The following NOTCH2 variants were observed in gnomAD, a reference collection of about 807,000 sequenced individuals.
NOTCH2 encodes the protein notch receptor 2.
In NOTCH2, 29 loss-of-function variants were observed where a neutral mutation model predicts 235.8. The ratio of observed to expected loss-of-function variants is 0.12; its 90% CI spans 0.09 to 0.17. The LOEUF (loss-of-function observed/expected upper bound fraction) is 0.17. Ranked by LOEUF, NOTCH2 falls within the 10% of genes least tolerant of loss-of-function variation. The probability of loss-of-function intolerance (pLI) is 1.00; values close to 1 mark genes in which losing one functional copy is unlikely to be tolerated. For missense variants in NOTCH2, 2,285 were observed against 3,150.2 expected, an observed-to-expected ratio of 0.73 and a Z score of 6.57; for synonymous variants, 1,086 against 1,141.5, an observed-to-expected ratio of 0.95 and a Z score of 0.98.
At chr1:119,996,251 G>A (rs7412780) in intron 4 of NOTCH2, 5,163 of 186,978 alleles carry the variant, frequency 0.028, 109 homozygotes, top group South Asian at 0.11. Context: ...CAAGCTCCCC[G>A]ACACTGCTCC....
In NOTCH2 at chr1:119,955,056, T is replaced by G; in HGVS notation, c.2203A>C (p.Thr735Pro). Residue 735 changes from threonine (T) to proline (P), a missense_variant, in exon 13 of 34, where the codon ACT (threonine) becomes CCT (proline). Transcript: ENST00000256646. Reference protein sequence around the residue: ...LSNPCIHGNCTGGLSGYKCLC... With the variant: ...LSNPCIHGNCPGGLSGYKCLC... ...GCTACTCACCCACTGAGACCTCCAG[T>G]ACAGTTTCCATGGATGCAGGGATTG... is the stretch of plus-strand genomic sequence containing the variant. 1 of 1,613,878 alleles carries G rather than the reference T, an allele frequency of 6.2e-7. No individual in the cohort carries two copies. Among genetic ancestry groups the G allele is most frequent in the Non-Finnish European group, 8.5e-7 (1 of 1,179,946 alleles).
At chr1:119,971,235 A>G (rs1391087790) in intron 5 of NOTCH2, among the ~76,000 whole-genome samples, 1 of 152,236 alleles carries the variant, frequency 6.6e-6, no homozygotes, top group African/African-American at 2.4e-5. Flanking sequence ...TATTCCCAGC[A>G]AGAGCCAACT....
At chr1:120,033,529 C>T (rs1407499737) in intron 1 of NOTCH2, among the ~76,000 whole-genome samples, 3 of 135,948 alleles carry the variant, frequency 2.2e-5, no homozygotes, top group African/African-American at 8.2e-5. Context: ...AATTGGAGAA[C>T]ATTATGCTAA....
At chr1:119,955,861 G>T (rs1446073252) in intron 12 of NOTCH2, among the ~76,000 whole-genome samples, 1 of 152,194 alleles carries the variant, frequency 6.6e-6, no homozygotes, top group East Asian at 1.9e-4. Context: ...GTCTGTCACT[G>T]CAGACCTATG....
Position 120,069,353 on chromosome 1 carries a change from G to A in NOTCH2, c.54C>T (p.Cys18=), listed in dbSNP as rs782697240. The change falls in exon 1 of 34, where the codon TGC becomes TGT. Residue 18 remains cysteine (C), a synonymous_variant. Transcript: ENST00000256646. ...LLWALLALWL[C]CAAPAHALQC... ...ACTCACCATGCGCGGGGGCCGCGCA[G>A]CACAGCCAGAGCGCCAGCAGCGCCC... The A allele has an allele frequency of 7.6e-6, 12 of 1,571,314 alleles. No homozygotes were observed. Among genetic ancestry groups the A allele is most frequent in the South Asian group, 1.1e-5 (1 of 87,672 alleles).
chr1:119,967,980 G>A (rs2101144922), intron 7 of NOTCH2, 97 bp downstream of exon 7: 1 of 1,344,698 alleles, frequency 7.4e-7, no homozygotes, highest in Non-Finnish European at 1.1e-6. Context: ...AGGTTTGGGT[G>A]TATGTAATTT....
At chr1:119,952,617 A>G (rs1553197916) in intron 14 of NOTCH2, among the ~76,000 whole-genome samples, 1 of 152,160 alleles carries the variant, frequency 6.6e-6, no homozygotes, top group African/African-American at 2.4e-5. Flanking sequence ...TCTGACAGAG[A>G]CAGAGCTCAG....
chr1:119,918,321 T>C (rs1022008907), intron 32 of NOTCH2, 85 bp downstream of exon 32: 10 of 1,466,250 alleles, frequency 6.8e-6, no homozygotes, highest in Non-Finnish European at 9.5e-6. Context: ...TCTCAGGCAG[T>C]TCTCTAAGGG....
rs1649200993 is a variant in NOTCH2 at position 119,919,592 on chromosome 1, A to C, written c.5501T>G (p.Leu1834Trp). 3 of 1,614,034 alleles carry C rather than the reference A, an allele frequency of 1.9e-6. No homozygotes were observed. ...RGPDGCTPLM[L>W]ASLRGGSSDL... ...TGAGCTGCCTCCTCGGAGAGAAGCC[A>C]ACATCAATGGGGTGCAGCCATCTGT... The change falls in exon 31 of 34, where the codon TTG (leucine) becomes TGG (tryptophan). Residue 1834 changes from leucine to tryptophan, a missense_variant. Physicochemically the swap from Leu to Trp is moderately conservative, Grantham distance 61. This residue lies in a region of NOTCH2 where 1,173 missense variants were observed against 1,515.3 expected (regional missense o/e 0.77). Transcript: ENST00000256646.
chr1:119,986,552 C>T (rs587690782), intron 5 of NOTCH2, among the ~76,000 whole-genome samples: 1 of 152,274 alleles, frequency 6.6e-6, no homozygotes, highest in African/African-American at 2.4e-5. Context: ...TGTCCGTGAA[C>T]AAATAGGCTC....
chr1:120,011,859 A>G (rs1250830341), intron 2 of NOTCH2, among the ~76,000 whole-genome samples: 4 of 150,942 alleles, frequency 2.7e-5, no homozygotes, highest in African/African-American at 9.7e-5. Context: ...TACTAAAAAT[A>G]TAAAAAATTA....
intron 5 of NOTCH2, among the ~76,000 whole-genome samples, chr1:119,982,650 G>A (rs1016468470): frequency 3.9e-5 from 6 of 152,170 alleles, no homozygotes; most frequent in African/African-American, 1.4e-4. Flanking sequence ...CAACCATCAG[G>A]TCTACTTCTA....
intron 2 of NOTCH2, among the ~76,000 whole-genome samples, chr1:120,023,029 G>A (rs1277312635): frequency 6.6e-6 from 1 of 150,584 alleles, no homozygotes; most frequent in Admixed American, 6.6e-5. Context: ...TAAACTACTT[G>A]AGAACAGACC....
At chr1:119,921,900 G>C in intron 28 of NOTCH2, 91 bp from the exon 29 acceptor site, 1 of 1,103,880 alleles carries the variant, frequency 9.1e-7, no homozygotes, top group Non-Finnish European at 1.4e-6. Context: ...CACTCCCGTG[G>C]CTATATTACA....
In NOTCH2 at chr1:120,028,297, T is replaced by C. The variant is rs1448217675; in HGVS notation, c.155+1609A>G. ...GCAATGGGGTTAACTACCACAAGAG[T>C]TGCATAACAGAATAAAGCAAGCAAC... On this transcript the variant is annotated intron_variant, in intron 2 of 33. Transcript: ENST00000256646. Among the ~76,000 whole-genome samples the C allele has an allele frequency of 1.3e-4, 14 of 106,618 alleles. No individual in the cohort carries two copies. The Admixed American group carries it at 1.3e-3, about 10-fold the overall frequency. The allele number at this position is 106,618 out of a possible 152,430, so 69.9% of individuals were successfully genotyped here.
At chr1:119,969,798 A>C in intron 5 of NOTCH2, 54 bp from the exon 6 acceptor site, 1 of 1,449,316 alleles carries the variant, frequency 6.9e-7, no homozygotes, top group Non-Finnish European at 9.7e-7. Flanking sequence ...AAGGACTAGT[A>C]CCATACCAGC....
chr1:119,933,071 G>T (rs1366201660), intron 22 of NOTCH2, among the ~76,000 whole-genome samples: 8 of 152,120 alleles, frequency 5.3e-5, no homozygotes, highest in Admixed American at 3.9e-4. Flanking sequence ...CTGTCTCAAA[G>T]AATATTTGAT....
chr1:119,972,326 G>T (rs1651396264), intron 5 of NOTCH2, among the ~76,000 whole-genome samples: 1 of 152,144 alleles, frequency 6.6e-6, no homozygotes, highest in African/African-American at 2.4e-5. Context: ...ATGCAGGTGG[G>T]ATTGAGAAAT....
chr1:119,922,170 A>C, intron 28 of NOTCH2, 66 bp downstream of exon 28: 1 of 1,505,838 alleles, frequency 6.6e-7, no homozygotes, highest in Admixed American at 1.7e-5. Flanking sequence ...ATGATTCAAC[A>C]AGATATGCTT....
Sources: gnomAD v4.1 joint callset for allele counts (sites outside exome capture counted in the v4.1 genomes callset) on GRCh38, gnomAD v4.1.1 for gene constraint, gnomAD v4.1.1 regional missense constraint, MANE v1.5 for transcripts, NCBI Gene and HGNC (gene_info 2026-07-23, HGNC 2026-07-21) for gene names.